Variants in PLBD1 observed in about 807,000 individuals in gnomAD.
PLBD1 encodes lysosomal leucine aminopeptidase.
In PLBD1, 60 loss-of-function variants were observed where a neutral mutation model predicts 63.0. The ratio of observed to expected loss-of-function variants is 0.95; its 90% CI spans 0.77 to 1.18. The LOEUF (loss-of-function observed/expected upper bound fraction) is 1.18. PLBD1 is among the 50% of genes most tolerant of loss of function. PLBD1 has a pLI of 0.00. For synonymous variants in PLBD1, 262 were observed against 248.0 expected (o/e 1.06, Z -0.53); for missense variants, 598 against 677.9 (o/e 0.88, Z 1.31).
chr12:14,535,879 T>C lies in PLBD1; in HGVS notation c.700-76A>G, dbSNP rs955067681. On this transcript the variant is annotated intron_variant, in intron 5 of 10. Coordinates refer to ENST00000240617, the MANE Select transcript of PLBD1 (RefSeq NM_024829.6). The stretch of plus-strand genomic sequence containing the variant: ...GCAATTGTCTTAAGTGTAAGAGGCA[T>C]ACAGGGATTGTGCCATTTCAGGTAA... The C allele has an allele frequency of 1.2e-5, 17 of 1,463,690 alleles. No individual in the cohort carries two copies. In the Admixed American group the frequency reaches 3.1e-4, roughly 26 times the overall value. The allele number at this position is 1,463,690 out of a possible 1,614,324, so 90.7% of individuals were successfully genotyped here.
At chr12:14,531,980 A>T (rs954906714) in intron 6 of PLBD1, among the ~76,000 whole-genome samples, 2 of 152,198 alleles carry the variant, frequency 1.3e-5, no homozygotes, top group African/African-American at 2.4e-5. Flanking sequence ...AGATAAAAGA[A>T]CAGGCTAAAA....
At chr12:14,513,442 C>T (rs1398546987) in intron 6 of PLBD1, among the ~76,000 whole-genome samples, 1 of 152,104 alleles carries the variant, frequency 6.6e-6, no homozygotes, top group Non-Finnish European at 1.5e-5. Flanking sequence ...AAATGTTTGT[C>T]CACATACTGC....
intron 1 of PLBD1, among the ~76,000 whole-genome samples, chr12:14,566,950 C>T (rs1350042370): frequency 6.6e-6 from 1 of 152,138 alleles, no homozygotes; most frequent in Non-Finnish European, 1.5e-5. Flanking sequence ...CACAAATTAG[C>T]TGGGCATGGT....
chr12:14,535,201 T>C (rs1945503477), intron 6 of PLBD1, among the ~76,000 whole-genome samples: 1 of 152,258 alleles, frequency 6.6e-6, no homozygotes. Flanking sequence ...TACACATTCA[T>C]TCATCCATTC....
At chr12:14,536,757 T>A (rs199653699) in intron 4 of PLBD1, 47 bp from the exon 5 acceptor site, 219 of 1,600,428 alleles carry the variant, frequency 1.4e-4, no homozygotes, top group Non-Finnish European at 1.8e-4. Context: ...GTGACAGACA[T>A]CATTTCCTGT....
At chr12:14,553,674 T>A in intron 1 of PLBD1, 1 of 522,426 alleles carries the variant, frequency 1.9e-6, no homozygotes, top group East Asian at 3.5e-5. Context: ...GCCTGAGTGT[T>A]TCATCCTTAG....
At chr12:14,505,134 A>G (rs1215957151) in intron 10 of PLBD1, among the ~76,000 whole-genome samples, 2 of 144,410 alleles carry the variant, frequency 1.4e-5, no homozygotes, top group Non-Finnish European at 3.0e-5. Context: ...TAATGTTAAC[A>G]TTGAGAGTCA....
At chr12:14,531,235 T>C (rs1395334744) in intron 6 of PLBD1, 1 of 152,230 alleles carries the variant, frequency 6.6e-6, no homozygotes, top group African/African-American at 2.4e-5. Context: ...TATTCTTTAT[T>C]ATTAAATGCA....
intron 1 of PLBD1, among the ~76,000 whole-genome samples, chr12:14,555,134 G>A (rs539725606): frequency 2.2e-4 from 34 of 152,266 alleles, no homozygotes; most frequent in African/African-American, 7.7e-4. Flanking sequence ...CTTTTTCAAG[G>A]TTTCTCTGAC....
At chr12:14,557,643 TG>T (rs908826593) in intron 1 of PLBD1, among the ~76,000 whole-genome samples, 1 of 152,058 alleles carries the variant, frequency 6.6e-6, no homozygotes, top group African/African-American at 2.4e-5. Context: ...ATGTTTCTAA[TG>T]GACACATAGA....
chr12:14,520,587 G>C (rs1419137131), intron 6 of PLBD1, among the ~76,000 whole-genome samples: 1 of 152,106 alleles, frequency 6.6e-6, no homozygotes, highest in African/African-American at 2.4e-5. Context: ...ATTTTGACTA[G>C]AGTATCCAAA....
At chr12:14,522,303 T>G (rs895002928) in intron 6 of PLBD1, among the ~76,000 whole-genome samples, 1 of 152,052 alleles carries the variant, frequency 6.6e-6, no homozygotes, top group Admixed American at 6.6e-5. Flanking sequence ...TAACGAAAAT[T>G]GAATCATGAA....
At chr12:14,535,399 G>A (rs139023293) in intron 6 of PLBD1, among the ~76,000 whole-genome samples, 4 of 152,292 alleles carry the variant, frequency 2.6e-5, no homozygotes, top group African/African-American at 9.6e-5. Flanking sequence ...GTTGGCATTT[G>A]TTGAAATAAA....
At chr12:14,537,267 G>GTA (rs1271686523) in intron 4 of PLBD1, among the ~76,000 whole-genome samples, 3 of 152,074 alleles carry the variant, frequency 2.0e-5, no homozygotes, top group Non-Finnish European at 4.4e-5. Flanking sequence ...GTAAAACAGA[G>GTA]CTTTCTGTTT....
intron 10 of PLBD1, among the ~76,000 whole-genome samples, chr12:14,504,341 C>T (rs973732871): frequency 4.6e-5 from 7 of 152,184 alleles, no homozygotes; most frequent in Non-Finnish European, 7.3e-5. Flanking sequence ...TGAGCCACCG[C>T]GCCAGGCCGC....
rs184540347 is a variant in PLBD1, at chr12:14,559,592, G to C, written c.116-6180C>G. ...TAAGTCTACCCAGCCCCAAGAGCAA[G>C]AGCTATTTGTTGGTATTTTCTTTAG... On this transcript the variant is annotated intron_variant, in intron 1 of 10. Coordinates refer to ENST00000240617, the MANE Select transcript of PLBD1 (RefSeq NM_024829.6). 1.8e-3 allele frequency among the ~76,000 whole-genome samples: 267 copies of C among 152,286 alleles called. 2 individuals are homozygous for C. Among genetic ancestry groups the C allele is most frequent in the African/African-American group, 6.1e-3 (252 of 41,568 alleles).
intron 6 of PLBD1, among the ~76,000 whole-genome samples, chr12:14,516,837 G>A (rs534116727): frequency 2.2e-4 from 33 of 152,110 alleles, no homozygotes; most frequent in African/African-American, 8.0e-4. Context: ...TCAGGAGTTC[G>A]AGATTAGCCT....
chr12:14,534,593 G>A (rs1174421368), intron 6 of PLBD1, among the ~76,000 whole-genome samples: 2 of 150,362 alleles, frequency 1.3e-5, no homozygotes. Context: ...GCCCAGGCTG[G>A]AGTGCAGTGG....
chr12:14,553,674 T>C, intron 1 of PLBD1: 1 of 522,426 alleles, frequency 1.9e-6, no homozygotes, highest in Non-Finnish European at 3.4e-6. Flanking sequence ...GCCTGAGTGT[T>C]TCATCCTTAG....
Sources: gnomAD v4.1 joint callset for allele counts (sites outside exome capture counted in the v4.1 genomes callset) on GRCh38, gnomAD v4.1.1 for gene constraint, MANE v1.5 for transcripts, NCBI Gene and HGNC (gene_info 2026-07-23, HGNC 2026-07-21) for gene names.